The following GRN variants were observed in gnomAD, a reference collection of about 807,000 sequenced individuals.
The protein encoded by GRN is granulin precursor, also known as progranulin.
GRN carries 30 observed loss-of-function variants against 66.7 expected under a neutral mutation model. That is an observed-to-expected ratio of 0.45 (90% CI 0.34 to 0.61). GRN has a LOEUF of 0.61. Ranked by LOEUF, GRN falls within the 20% of genes least tolerant of loss-of-function variation. The probability of loss-of-function intolerance (pLI) is 0.01; values close to 1 mark genes in which losing one functional copy is unlikely to be tolerated. For missense variants in GRN, 731 were observed against 803.5 expected (o/e 0.91, Z 1.09); for synonymous variants, 327 against 311.1 (o/e 1.05, Z -0.54).
rs1484959814 is a variant in GRN, at chr17:44,352,744, G to A, written c.1728G>A (p.Glu576=). The change falls in exon 13 of 13, where the codon GAG becomes GAA. Residue 576 remains glutamate, a synonymous_variant. Transcript: ENST00000053867. ...AARGTKCLRR[E]APRWDAPLRD... ...GGGGTACCAAGTGTTTGCGCAGGGAGGCCCCGCGCTGGGACGCCCCTTTGA... is the reference window on the plus strand; with the variant it reads ...GGGGTACCAAGTGTTTGCGCAGGGAAGCCCCGCGCTGGGACGCCCCTTTGA... The A allele has an allele frequency of 1.2e-6, 2 of 1,611,622 alleles. No individual in the cohort carries two copies. Among genetic ancestry groups the A allele is most frequent in the Non-Finnish European group, 1.7e-6 (2 of 1,179,956 alleles).
intron 2 of GRN, 38 bp downstream of exon 2, chr17:44,349,340 G>A (rs1000739047): frequency 6.2e-7 from 1 of 1,614,002 alleles, no homozygotes; most frequent in Non-Finnish European, 8.5e-7. Context: ...CTGGCAGCCT[G>A]GGTTTTCCCA....
At chr17:44,350,956 C>T in intron 7 of GRN, 81 bp from the exon 8 acceptor site, 1 of 1,511,572 alleles carries the variant, frequency 6.6e-7, no homozygotes, top group South Asian at 1.1e-5. Flanking sequence ...GGGATTGGGG[C>T]AGTGCCAGCC....
At chr17:44,349,798 G>A (rs954204834) in intron 4 of GRN, 47 bp downstream of exon 4, 3 of 1,317,350 alleles carry the variant, frequency 2.3e-6, no homozygotes, top group Admixed American at 3.5e-5. Flanking sequence ...GCAGCATGTG[G>A]AGTCTGGAAC....
In GRN at chr17:44,349,150, C is replaced by T. The variant is rs1423800119; in HGVS notation, c.-7-8C>T. 6.2e-7 allele frequency: 1 copy of T among 1,613,994 alleles called. No homozygotes were observed. Among genetic ancestry groups the T allele is most frequent in the Admixed American group, 1.7e-5 (1 of 60,028 alleles). On this transcript the variant is annotated splice_region_variant and splice_polypyrimidine_tract_variant and intron_variant, in intron 1 of 12. Transcript: ENST00000053867. ...AGCAGTTGCCAGACGTTCCTTGGTA[C>T]TTTGCAGGCAGACCATGTGGACCCT...
intron 12 of GRN, 33 bp from the exon 13 acceptor site, chr17:44,352,628 G>A (rs1412383296): frequency 3.7e-6 from 6 of 1,610,462 alleles, no homozygotes; most frequent in Admixed American, 1.7e-5. Flanking sequence ...GTCCCACCTC[G>A]TCCAACCCTC....
chr17:44,348,855 T>C (rs1050390992), intron 1 of GRN, among the ~76,000 whole-genome samples: 2 of 152,226 alleles, frequency 1.3e-5, no homozygotes, highest in African/African-American at 2.4e-5. Flanking sequence ...CTGACTCTCA[T>C]AAGCCTGCCC....
rs549161409 is a variant in GRN, at chr17:44,349,111, G to C, written c.-7-47G>C. 124 of 1,607,152 alleles carry C rather than the reference G, an allele frequency of 7.7e-5. No individual in the cohort carries two copies. The African/African-American group carries it at 1.6e-3, about 21-fold the overall frequency. ...GTACTGAGTGACCCTAGAATCAAGGGTGGCGTGGGCTTAAGCAGTTGCCAG... is the reference window on the plus strand; with the variant it reads ...GTACTGAGTGACCCTAGAATCAAGGCTGGCGTGGGCTTAAGCAGTTGCCAG... On this transcript the variant is annotated intron_variant, in intron 1 of 12. Transcript: ENST00000053867.
chr17:44,350,958 G>A (rs747538590), intron 7 of GRN, 79 bp from the exon 8 acceptor site: 234 of 1,526,738 alleles, frequency 1.5e-4, no homozygotes, highest in Non-Finnish European at 2.0e-4. Flanking sequence ...GATTGGGGCA[G>A]TGCCAGCCAT....
Position 44,352,967 on chromosome 17 carries a change from G to T in GRN, c.*169G>T. ...TCTAAGGCCTTCCCTGTCAGAAGGG[G>T]GTTGTGGCAAAAGCCACATTACAAG... On this transcript the variant is annotated 3_prime_UTR_variant, in exon 13 of 13. Coordinates refer to ENST00000053867, the MANE Select transcript of GRN (RefSeq NM_002087.4). 1 of 688,468 alleles carries T rather than the reference G, an allele frequency of 1.5e-6. No homozygotes were observed. Among genetic ancestry groups the T allele is most frequent in the Non-Finnish European group, 2.5e-6 (1 of 400,040 alleles). The allele number at this position is 688,468 out of a possible 1,614,324, so 42.6% of individuals were successfully genotyped here. A position where few individuals can be genotyped will look rare whatever the true frequency, so the allele number is the denominator to read the frequency against.
Position 44,353,008 on chromosome 17 carries a change from C to T in GRN, c.*210C>T, listed in dbSNP as rs2048394389. Reference sequence around the variant, plus strand: ...ACATTACAAGCTGCCATCCCCTCCCCGTTTCAGTGGACCCTGTGGCCAGGT... The same window carrying T: ...ACATTACAAGCTGCCATCCCCTCCCTGTTTCAGTGGACCCTGTGGCCAGGT... On this transcript the variant is annotated 3_prime_UTR_variant, in exon 13 of 13. Transcript: ENST00000053867. 3.4e-5 allele frequency: 21 copies of T among 616,310 alleles called. No homozygotes were observed. The South Asian group carries it at 4.0e-4, about 12-fold the overall frequency. 38.2% of individuals were successfully genotyped at this position (616,310 alleles called of 1,614,324 possible). A position where few individuals can be genotyped will look rare whatever the true frequency, so the allele number is the denominator to read the frequency against.
At position 44,352,029 on chromosome 17, in the gene GRN, G is replaced by A. The variant is rs372557230; in HGVS notation, c.1194G>A (p.Ser398=). Residue 398 remains serine (S), a synonymous_variant, in exon 11 of 13, where the codon TCG becomes TCA. Coordinates refer to ENST00000053867, the MANE Select transcript of GRN (RefSeq NM_002087.4). ...CCACCCCCCAGGCTGTCTGCTGCTCGGACCACCAGCACTGCTGCCCCCAGG... is the reference window on the plus strand; with the variant it reads ...CCACCCCCCAGGCTGTCTGCTGCTCAGACCACCAGCACTGCTGCCCCCAGG... ...CCPIPEAVCC[S]DHQHCCPQGY... is the part of the protein sequence containing the mutation. 5.6e-6 allele frequency: 9 copies of A among 1,612,984 alleles called. No individual in the cohort carries two copies. Among genetic ancestry groups the A allele is most frequent in the East Asian group, 2.2e-5 (1 of 44,896 alleles).
chr17:44,350,396 G>A (rs765805819), intron 5 of GRN, 46 bp from the exon 6 acceptor site: 3 of 1,409,688 alleles, frequency 2.1e-6, no homozygotes, highest in East Asian at 2.5e-5. Flanking sequence ...AGAGTTGGGG[G>A]CCAGGGGCAG....
chr17:44,349,882 C>T, intron 4 of GRN, 131 bp downstream of exon 4: 1 of 703,242 alleles, frequency 1.4e-6, no homozygotes, highest in African/African-American at 1.7e-5. Flanking sequence ...CTGTACTAAG[C>T]AACAGCCCTG....
Position 44,349,292 on chromosome 17 carries a change from G to GT in GRN, c.129dup (p.Pro44SerfsTer21). ...GGAGGAGCCAGCTACAGCTGCTGCC[G>GT]TCCCCTTCTGGTGAGTGCCCCTCAG... is the stretch of plus-strand genomic sequence containing the variant. On this transcript the variant is annotated frameshift_variant, in exon 2 of 13. Coordinates refer to ENST00000053867, the MANE Select transcript of GRN (RefSeq NM_002087.4). LOFTEE classifies it high-confidence loss of function. 1 of 1,613,836 alleles carries GT rather than the reference G, an allele frequency of 6.2e-7. No individual in the cohort carries two copies. The highest frequency in any genetic ancestry group is 8.5e-7 in the Non-Finnish European group (1 of 1,180,026).
chr17:44,351,257 C>G, intron 8 of GRN, 94 bp downstream of exon 8: 1 of 1,550,074 alleles, frequency 6.5e-7, no homozygotes, highest in East Asian at 2.2e-5. Context: ...GTAAGCGGTA[C>G]CCTCCATCTT....
At chr17:44,347,449 T>G (rs1400287905) in intron 1 of GRN, among the ~76,000 whole-genome samples, 1 of 151,830 alleles carries the variant, frequency 6.6e-6, no homozygotes, top group Non-Finnish European at 1.5e-5. Flanking sequence ...CTACCACGCA[T>G]GGCTAATTTT....
At chr17:44,347,719 A>G (rs1186245996) in intron 1 of GRN, among the ~76,000 whole-genome samples, 1 of 151,032 alleles carries the variant, frequency 6.6e-6, no homozygotes, top group Non-Finnish European at 1.5e-5. Context: ...AGGGAGGCTG[A>G]GGTGGGTGGA....
chr17:44,349,607 GC>G, intron 3 of GRN, 56 bp downstream of exon 3: 1 of 1,612,542 alleles, frequency 6.2e-7, no homozygotes, highest in Non-Finnish European at 8.5e-7. Flanking sequence ...TGCTTTTCCT[GC>G]ACTCTACCAC....
chr17:44,351,200 C>A (rs2048370842), intron 8 of GRN, 37 bp downstream of exon 8: 1 of 1,612,516 alleles, frequency 6.2e-7, no homozygotes, highest in Admixed American at 1.7e-5. Flanking sequence ...GGGTGGGGCC[C>A]CCTTTCCTCC....
Sources: allele counts gnomAD v4.1 joint callset (sites outside exome capture counted in the v4.1 genomes callset), GRCh38; gene constraint gnomAD v4.1.1; transcripts MANE v1.5; gene names NCBI Gene and HGNC (gene_info 2026-07-23, HGNC 2026-07-21).